CCDC32: variants seen among roughly 807,000 people sequenced by gnomAD.
CCDC32 encodes coiled-coil domain-containing protein 32.
Under a neutral mutation model 20.1 loss-of-function variants are expected in CCDC32, and 9 were observed. The observed-to-expected ratio is 0.45, with a 90% CI of 0.27 to 0.78. The LOEUF (loss-of-function observed/expected upper bound fraction) is 0.78. Ranked by LOEUF, CCDC32 falls within the 30% of genes least tolerant of loss-of-function variation. The pLI is 0.16. For synonymous variants in CCDC32, 63 were observed against 79.0 expected, an observed-to-expected ratio of 0.80 and a Z score of 1.07; for missense variants, 204 against 215.5, an observed-to-expected ratio of 0.95 and a Z score of 0.33.
chr15:40,543,447 T>G (rs186460332), intron 3 of CCDC32, among the ~76,000 whole-genome samples: 7 of 151,636 alleles, frequency 4.6e-5, no homozygotes, highest in East Asian at 2.1e-4. Flanking sequence ...CTGTTTTGTT[T>G]TTGTTGTTGT....
chr15:40,534,861 C>T, downstream of CCDC32: 1 of 702,252 alleles, frequency 1.4e-6, no homozygotes, highest in Non-Finnish European at 2.6e-6. Flanking sequence ...GACACAAACA[C>T]ACAGTCCATT....
downstream of CCDC32, among the ~76,000 whole-genome samples, chr15:40,526,068 C>G (rs1327578276): frequency 6.6e-6 from 1 of 152,068 alleles, no homozygotes; most frequent in African/African-American, 2.4e-5. Flanking sequence ...TGTGAACTGC[C>G]TGGTGCCTGT....
downstream of CCDC32, among the ~76,000 whole-genome samples, chr15:40,552,556 A>G (rs900133179): frequency 6.6e-6 from 1 of 151,562 alleles, no homozygotes; most frequent in East Asian, 1.9e-4. Flanking sequence ...CTAAGCAAGT[A>G]TATGGAACCA....
rs977965695 is a variant in CCDC32, at chr15:40,542,625, T to G, written c.402-3270A>C. 2.2e-4 allele frequency among the ~76,000 whole-genome samples: 34 copies of G among 152,038 alleles called. 1 individual carries two copies. Among genetic ancestry groups the G allele is most frequent in the Non-Finnish European group, 4.4e-5 (3 of 67,984 alleles). ...GGCTCATGCCTGTAATCCCAGCACT[T>G]TGGGAGGCTGAGGCGGGAGGATCAC... is the stretch of plus-strand genomic sequence containing the variant. On this transcript the variant is annotated intron_variant, in intron 3 of 3. Coordinates refer to the CCDC32 transcript ENST00000558113.
downstream of CCDC32, among the ~76,000 whole-genome samples, chr15:40,526,639 G>A (rs995236950): frequency 3.3e-5 from 5 of 152,172 alleles, no homozygotes; most frequent in Admixed American, 2.0e-4. Context: ...CTGGCTGGGC[G>A]CAGTGGCTCA....
chr15:40,564,873 C>CT, intron 1 of CCDC32, 103 bp downstream of exon 1: 1 of 1,541,538 alleles, frequency 6.5e-7, no homozygotes, highest in East Asian at 2.2e-5. Flanking sequence ...CTAGGGCTGT[C>CT]TGGACGGGAT....
At position 40,553,889 on chromosome 15, in the gene CCDC32, C is replaced by A; in HGVS notation, c.*82G>T. 1 of 1,443,530 alleles carries A rather than the reference C, an allele frequency of 6.9e-7. No individual in the cohort carries two copies. The highest frequency in any genetic ancestry group is 9.3e-7 in the Non-Finnish European group (1 of 1,077,696). 89.4% of individuals were successfully genotyped at this position (1,443,530 alleles called of 1,614,324 possible). A position where few individuals can be genotyped will look rare whatever the true frequency, so the allele number is the denominator to read the frequency against. On this transcript the variant is annotated 3_prime_UTR_variant, in exon 4 of 4. Transcript: ENST00000416810. ...AGCTCCACGCTGCTCGCTCTGGACC[C>A]GAGACAGCTGCTCGGCGTGTGTGTG...
At chr15:40,548,309 C>T (rs148268277), downstream of CCDC32, among the ~76,000 whole-genome samples, 1 of 152,232 alleles carries the variant, frequency 6.6e-6, no homozygotes, top group Non-Finnish European at 1.5e-5. Flanking sequence ...AACCACCTCA[C>T]AGCTGGTCTC....
At chr15:40,560,434 CATGGA>C (rs1715525149) in intron 2 of CCDC32, among the ~76,000 whole-genome samples, 1 of 152,106 alleles carries the variant, frequency 6.6e-6, no homozygotes, top group African/African-American at 2.4e-5. Flanking sequence ...ACAGACAACC[CATGGA>C]ATGGGAGAAA....
At chr15:40,560,092 C>T (rs576071814) in intron 2 of CCDC32, among the ~76,000 whole-genome samples, 334 of 152,338 alleles carry the variant, frequency 2.2e-3, no homozygotes, top group Non-Finnish European at 3.6e-3. Flanking sequence ...TCACTGCAAC[C>T]TCTGCCTCCT....
chr15:40,563,677 A>AACACACACACAC (rs59483012), intron 1 of CCDC32, among the ~76,000 whole-genome samples: 1 of 129,702 alleles, frequency 7.7e-6, no homozygotes, highest in African/African-American at 2.6e-5. Context: ...CATATATTTT[A>AACACACACACAC]ACACACACAC....
At chr15:40,527,405 A>G (rs1894912983), downstream of CCDC32, among the ~76,000 whole-genome samples, 1 of 152,174 alleles carries the variant, frequency 6.6e-6, no homozygotes, top group Non-Finnish European at 1.5e-5. Flanking sequence ...TCCTGATCTC[A>G]AGCGATCCAC....
downstream of CCDC32, among the ~76,000 whole-genome samples, chr15:40,527,262 C>T (rs143224928): frequency 1.6e-3 from 250 of 152,268 alleles, 1 homozygote; most frequent in East Asian, 0.021. Flanking sequence ...CCTCTGCCTC[C>T]CGGGTTCAAG....
chr15:40,539,121 G>A, downstream of CCDC32: 1 of 820,646 alleles, frequency 1.2e-6, no homozygotes, highest in Admixed American at 2.2e-5. Flanking sequence ...CCTGAGGGCT[G>A]GGCCAGAGGG....
At chr15:40,542,888 T>C (rs1049137959) in intron 3 of CCDC32, among the ~76,000 whole-genome samples, 1 of 145,182 alleles carries the variant, frequency 6.9e-6, no homozygotes, top group Admixed American at 6.9e-5. Flanking sequence ...CCAGGTGGGG[T>C]GGCTCATGCC....
At chr15:40,560,073 G>T (rs191290141) in intron 2 of CCDC32, among the ~76,000 whole-genome samples, 2 of 152,276 alleles carry the variant, frequency 1.3e-5, no homozygotes, top group South Asian at 4.1e-4. Context: ...GCAGTGGTGC[G>T]ATTTCAGCTC....
downstream of CCDC32, among the ~76,000 whole-genome samples, chr15:40,528,310 C>T (rs543507334): frequency 6.6e-6 from 1 of 152,194 alleles, no homozygotes; most frequent in Non-Finnish European, 1.5e-5. Context: ...GAGAGACTAA[C>T]TTCTCTAAAT....
chr15:40,560,966 C>T (rs1359059212), intron 2 of CCDC32, among the ~76,000 whole-genome samples: 5 of 152,152 alleles, frequency 3.3e-5, no homozygotes, highest in South Asian at 4.1e-4. Flanking sequence ...ACCTAAGTGC[C>T]CATCGAGCAA....
At chr15:40,544,384 T>A (rs115461487) in intron 3 of CCDC32, among the ~76,000 whole-genome samples, 1,949 of 152,122 alleles carry the variant, frequency 0.013, 44 homozygotes, top group African/African-American at 0.045. Flanking sequence ...GGCTAATTTT[T>A]AAATTTTTTT....
Sources: allele counts gnomAD v4.1 joint callset (sites outside exome capture counted in the v4.1 genomes callset), GRCh38; gene constraint gnomAD v4.1.1; transcripts MANE v1.5; gene names NCBI Gene and HGNC (gene_info 2026-07-23, HGNC 2026-07-21).